The following PLEKHA6 variants were observed in gnomAD, a reference collection of about 807,000 sequenced individuals.
PLEKHA6 encodes the protein pleckstrin homology domain containing A6, also known as pleckstrin homology domain-containing family A member 6.
Under a neutral mutation model 116.7 loss-of-function variants are expected in PLEKHA6, and 60 were observed. The observed-to-expected ratio is 0.51, with a 90% CI of 0.42 to 0.64. The LOEUF is 0.64. Among genes scored for constraint, PLEKHA6 ranks in the 30% least tolerant of loss-of-function variants. The pLI, the probability that PLEKHA6 is intolerant of heterozygous loss-of-function variation, is 0.00. For synonymous variants in PLEKHA6, 489 were observed against 556.1 expected (o/e 0.88, Z 1.70); for missense variants, 1,338 against 1,422.7 (o/e 0.94, Z 0.96).
intron 9 of PLEKHA6, among the ~76,000 whole-genome samples, chr1:204,250,879 C>G (rs180784780): frequency 2.6e-5 from 4 of 152,290 alleles, no homozygotes; most frequent in Non-Finnish European, 5.9e-5. Flanking sequence ...TTCCTCTCCC[C>G]CAAGCACTAG....
intron 1 of PLEKHA6, among the ~76,000 whole-genome samples, chr1:204,341,957 C>A (rs1040998137): frequency 5.3e-5 from 8 of 152,112 alleles, no homozygotes; most frequent in African/African-American, 1.7e-4. Context: ...AAGGCTGAGG[C>A]GGGCAGATCA....
In PLEKHA6 at chr1:204,249,038, C is replaced by A. The variant is rs887152455; in HGVS notation, c.1675-68G>T. On this transcript the variant is annotated intron_variant, in intron 11 of 22. Transcript: ENST00000272203. ...CCTCTCTGGGATTGAACAGCAGAGG[C>A]CTGAGCCCTTAGAGGTTCAACAGGC... 6 of 1,560,822 alleles carry A rather than the reference C, an allele frequency of 3.8e-6. No individual in the cohort carries two copies. The Admixed American group carries it at 8.6e-5, about 22-fold the overall frequency.
chr1:204,249,329 G>C, intron 10 of PLEKHA6, 65 bp from the exon 11 acceptor site: 1 of 1,178,024 alleles, frequency 8.5e-7, no homozygotes, highest in South Asian at 1.2e-5. Context: ...AGTTTGATGG[G>C]GACCTGGGAG....
Position 204,230,596 on chromosome 1 carries a change from T to A in PLEKHA6, c.2410-10A>T. The A allele has an allele frequency of 1.9e-6, 3 of 1,594,140 alleles. No individual in the cohort carries two copies. The highest frequency in any genetic ancestry group is 2.6e-6 in the Non-Finnish European group (3 of 1,170,160). ...CACTCTTGGGGCGTTCCTGCTGCCA[T>A]GGGAAAACAGGGCTCTGACAAGTGC... On this transcript the variant is annotated splice_polypyrimidine_tract_variant and intron_variant, in intron 17 of 22. Coordinates refer to ENST00000272203, the MANE Select transcript of PLEKHA6 (RefSeq NM_014935.5).
intron 1 of PLEKHA6, among the ~76,000 whole-genome samples, chr1:204,328,401 T>TC (rs1672326700): frequency 7.1e-6 from 1 of 141,186 alleles, no homozygotes; most frequent in Non-Finnish European, 1.5e-5. Context: ...TTTTCTTTCT[T>TC]TTTTTTTTTT....
intron 1 of PLEKHA6, among the ~76,000 whole-genome samples, chr1:204,335,746 G>C (rs375253137): frequency 1.3e-5 from 2 of 151,948 alleles, no homozygotes; most frequent in African/African-American, 4.8e-5. Flanking sequence ...GCTGAGCCCC[G>C]GGGGAGTGAA....
chr1:204,284,468 G>A (rs1473446189), intron 1 of PLEKHA6, among the ~76,000 whole-genome samples: 1 of 152,152 alleles, frequency 6.6e-6, no homozygotes, highest in Admixed American at 6.5e-5. Flanking sequence ...TACTTGGGGA[G>A]CTTGCCAAGG....
upstream of PLEKHA6, among the ~76,000 whole-genome samples, chr1:204,362,430 G>A (rs1673579211): frequency 6.6e-6 from 1 of 152,038 alleles, no homozygotes; most frequent in African/African-American, 2.4e-5. Context: ...CCTACTCATG[G>A]TCTCCAAACA....
chr1:204,243,891 G>T (rs1016811385), intron 15 of PLEKHA6, among the ~76,000 whole-genome samples: 1 of 152,102 alleles, frequency 6.6e-6, no homozygotes, highest in Non-Finnish European at 1.5e-5. Context: ...CGCAATCTCG[G>T]CTCACTGCAA....
At chr1:204,378,101 G>A (rs1018243352), upstream of PLEKHA6, 4 of 152,350 alleles carry the variant, frequency 2.6e-5, no homozygotes, top group African/African-American at 9.6e-5. Flanking sequence ...CCGGAGAGCA[G>A]AAGCTGGAGC....
At chr1:204,289,919 T>C (rs756417866) in intron 1 of PLEKHA6, among the ~76,000 whole-genome samples, 4 of 151,724 alleles carry the variant, frequency 2.6e-5, no homozygotes, top group African/African-American at 9.7e-5. Flanking sequence ...CAACAAACAA[T>C]GAAAAAAGGA....
In PLEKHA6 at chr1:204,261,162, C is replaced by A. The variant is rs900091049; in HGVS notation, c.524+144G>T. On this transcript the variant is annotated intron_variant, in intron 7 of 22. Transcript: ENST00000272203. This position sits in a 1 kb window ranked among gnomAD's most constrained non-coding sequence, Gnocchi z 4.0. Reference sequence around the variant, plus strand: ...TCTGAAATCACTCAGCCAGGCCTCCCGCCTGGATGCAAGGAGACGGCTCAC... The same window carrying A: ...TCTGAAATCACTCAGCCAGGCCTCCAGCCTGGATGCAAGGAGACGGCTCAC... The A allele has an allele frequency of 1.1e-4, 103 of 948,030 alleles. 1 individual carries two copies. Among genetic ancestry groups the A allele is most frequent in the Non-Finnish European group, 1.1e-5 (7 of 610,534 alleles). The allele number at this position is 948,030 out of a possible 1,614,324, so 58.7% of individuals were successfully genotyped here.
In PLEKHA6 at chr1:204,359,679, T is replaced by A. The variant is rs926970122; in HGVS notation, c.-95+15A>T. ...CCTCCCACCTCATCTATGTGATGCA[T>A]GAAAACAGACTCACCGGCTTCTGAG... On this transcript the variant is annotated intron_variant, in intron 1 of 22. Transcript: ENST00000272203. The A allele has an allele frequency of 1.0e-6, 1 of 981,302 alleles. No individual in the cohort carries two copies. Among genetic ancestry groups the A allele is most frequent in the African/African-American group, 1.7e-5 (1 of 57,148 alleles). 60.8% of individuals were successfully genotyped at this position (981,302 alleles called of 1,614,324 possible). A position where few individuals can be genotyped will look rare whatever the true frequency, so the allele number is the denominator to read the frequency against.
intron 1 of PLEKHA6, among the ~76,000 whole-genome samples, chr1:204,331,820 C>A (rs538546411): frequency 9.8e-4 from 148 of 151,788 alleles, no homozygotes; most frequent in South Asian, 9.4e-3. Context: ...AGCCGGCTGT[C>A]CCCCCCGGGT....
At chr1:204,324,831 G>A (rs1216522811) in intron 1 of PLEKHA6, among the ~76,000 whole-genome samples, 2 of 152,172 alleles carry the variant, frequency 1.3e-5, no homozygotes, top group Non-Finnish European at 2.9e-5. Context: ...TTTGGCTTAG[G>A]GACTGTGTTG....
chr1:204,232,401 G>T (rs1020403963), intron 17 of PLEKHA6, among the ~76,000 whole-genome samples: 1 of 152,188 alleles, frequency 6.6e-6, no homozygotes, highest in Non-Finnish European at 1.5e-5. Context: ...CCTAGAGAGA[G>T]GGTCAAGGAT....
rs1673233683 is a variant in PLEKHA6 at position 204,350,313 on chromosome 1, C to T, written c.-95+9381G>A. On this transcript the variant is annotated intron_variant, in intron 1 of 22. Coordinates refer to ENST00000272203, the MANE Select transcript of PLEKHA6 (RefSeq NM_014935.5). The stretch of plus-strand genomic sequence containing the variant: ...TCCAGCATGGGTGACAGAGTAAGAC[C>T]GTGTCTCAAAAACAAAAACAAAAAT... Among the ~76,000 whole-genome samples the T allele has an allele frequency of 2.0e-5, 3 of 152,156 alleles. No individual in the cohort carries two copies. The South Asian group carries it at 6.2e-4, about 32-fold the overall frequency.
intron 1 of PLEKHA6, among the ~76,000 whole-genome samples, chr1:204,286,122 T>C (rs1044888304): frequency 6.6e-6 from 1 of 152,134 alleles, no homozygotes; most frequent in Non-Finnish European, 1.5e-5. Context: ...GTAAACAACC[T>C]GTTGCTAAGC....
intron 1 of PLEKHA6, among the ~76,000 whole-genome samples, chr1:204,354,487 C>T (rs1221895982): frequency 4.6e-5 from 7 of 152,192 alleles, no homozygotes; most frequent in South Asian, 4.1e-4. Context: ...CCTTGCCTTC[C>T]GAAATATGAT....
Sources: gnomAD v4.1 joint callset for allele counts (sites outside exome capture counted in the v4.1 genomes callset) on GRCh38, gnomAD v4.1.1 for gene constraint, Gnocchi (gnomAD v3.1) non-coding constraint, MANE v1.5 for transcripts, NCBI Gene and HGNC (gene_info 2026-07-23, HGNC 2026-07-21) for gene names.